EPSTI1: variants seen among roughly 807,000 people sequenced by gnomAD.
The protein encoded by EPSTI1 is epithelial stromal interaction 1.
A neutral mutation model predicts 49.9 loss-of-function variants in EPSTI1; 66 were observed. That is an observed-to-expected ratio of 1.32 (90% CI 1.08 to 1.62). The LOEUF is 1.62. EPSTI1 is among the 40% of genes most tolerant of loss of function. The pLI is 0.00. For synonymous variants in EPSTI1, 137 were observed against 130.7 expected (o/e 1.05, Z -0.33); for missense variants, 394 against 365.5 (o/e 1.08, Z -0.64).
rs1324976518 is a variant in EPSTI1 at position 42,922,411 on chromosome 13, G to A, written c.657+3925C>T. 6.6e-6 allele frequency among the ~76,000 whole-genome samples: 1 copy of A among 152,146 alleles called. No homozygotes were observed. The highest frequency in any genetic ancestry group is 1.5e-5 in the Non-Finnish European group (1 of 68,022). On this transcript the variant is annotated intron_variant, in intron 7 of 10. Coordinates refer to ENST00000313624, the MANE Select transcript of EPSTI1 (RefSeq NM_033255.5). The surrounding 1 kb of genome is among the most constrained non-coding windows in gnomAD (Gnocchi z 4.8). ...TATAAGAGGAAGGCAGAAAGGTCAG[G>A]GAGGGTGCAGAAGGTTGGGTGAGAT...
intron 8 of EPSTI1, among the ~76,000 whole-genome samples, chr13:42,913,392 G>A (rs1263445574): frequency 6.6e-6 from 1 of 152,110 alleles, no homozygotes; most frequent in Non-Finnish European, 1.5e-5. Flanking sequence ...AAAACTGGTA[G>A]AGGAATTACT....
intron 1 of EPSTI1, among the ~76,000 whole-genome samples, chr13:42,990,463 T>C (rs941381558): frequency 1.3e-5 from 2 of 152,232 alleles, no homozygotes; most frequent in Admixed American, 6.5e-5. Context: ...TAAATGCTTT[T>C]TAACAGAAAA....
chr13:42,901,651 A>G (rs574607578), intron 8 of EPSTI1, among the ~76,000 whole-genome samples: 11 of 152,300 alleles, frequency 7.2e-5, no homozygotes, highest in Non-Finnish European at 1.0e-4. Flanking sequence ...AAGTATACCA[A>G]TGTGAAAGAA....
At chr13:42,937,315 A>C (rs1262500517) in intron 6 of EPSTI1, among the ~76,000 whole-genome samples, 3 of 152,322 alleles carry the variant, frequency 2.0e-5, no homozygotes, top group Non-Finnish European at 1.5e-5. Flanking sequence ...TCAGGGTGGT[A>C]GTTGCTAAAG....
intron 8 of EPSTI1, among the ~76,000 whole-genome samples, chr13:42,908,716 G>A (rs965141516): frequency 6.6e-6 from 1 of 151,894 alleles, no homozygotes; most frequent in African/African-American, 2.4e-5. Context: ...CATCTAATAG[G>A]GGGTCAGTAT....
rs927239351 is a variant in EPSTI1 at position 42,887,951 on chromosome 13, A to ATAAC, written c.*539_*542dup. On this transcript the variant is annotated 3_prime_UTR_variant, in exon 11 of 11. Transcript: ENST00000313624. ...AGACCCTTCAAGAGAGAAAACCCCA[A>ATAAC]TAACTTTTCATTAAAAATAAAAATG... 42 of 205,698 alleles carry ATAAC rather than the reference A, an allele frequency of 2.0e-4. No individual in the cohort carries two copies. The highest frequency in any genetic ancestry group is 7.7e-4 in the African/African-American group (33 of 42,924). 12.7% of individuals were successfully genotyped at this position (205,698 alleles called of 1,614,324 possible).
chr13:42,938,059 G>C (rs9533309), intron 6 of EPSTI1, among the ~76,000 whole-genome samples: 75,563 of 151,818 alleles, frequency 0.5, 18,882 homozygotes, highest in East Asian at 0.54. Context: ...GCATCTCAAA[G>C]TTAGCATGTT....
intron 9 of EPSTI1, among the ~76,000 whole-genome samples, chr13:42,897,518 A>G (rs1170969910): frequency 6.6e-6 from 1 of 152,200 alleles, no homozygotes; most frequent in Non-Finnish European, 1.5e-5. Context: ...GAATGAAACA[A>G]ATCTTCCTGG....
At chr13:42,928,016 T>C (rs1316931019) in intron 6 of EPSTI1, among the ~76,000 whole-genome samples, 1 of 152,240 alleles carries the variant, frequency 6.6e-6, no homozygotes, top group Non-Finnish European at 1.5e-5. Flanking sequence ...TTCAGTTTAC[T>C]GACTGCCGCT....
At chr13:42,989,567 C>CTTTTCTTTTTTTTTTTT (rs1555271094) in intron 1 of EPSTI1, among the ~76,000 whole-genome samples, 1 of 79,022 alleles carries the variant, frequency 1.3e-5, no homozygotes, top group African/African-American at 4.4e-5. Context: ...CCTCTTTTTT[C>CTTTTCTTTTTTTTTTTT]TTTTTTTTTT....
intron 10 of EPSTI1, chr13:42,889,153 G>T: frequency 7.4e-7 from 1 of 1,345,734 alleles, no homozygotes; most frequent in Non-Finnish European, 1.0e-6. Flanking sequence ...ATCCCAAAGA[G>T]CCTCACCTAT....
intron 10 of EPSTI1, chr13:42,889,147 C>CA: frequency 7.6e-7 from 1 of 1,316,434 alleles, no homozygotes; most frequent in Non-Finnish European, 1.1e-6. Flanking sequence ...CACAGCATCC[C>CA]AAAGAGCCTC....
At position 42,970,592 on chromosome 13, in the gene EPSTI1, AAATG is replaced by A. The variant is rs1301092617; in HGVS notation, c.247+16_247+19del. 3 of 1,579,154 alleles carry A rather than the reference AAATG, an allele frequency of 1.9e-6. No homozygotes were observed. The highest frequency in any genetic ancestry group is 2.6e-6 in the Non-Finnish European group (3 of 1,162,630). ...AAAAGAGAGAAGCATTCTGAATGTT[AAATG>A]AATGACTATACATACTTCTTTGTAT... is the stretch of plus-strand genomic sequence containing the variant. On this transcript the variant is annotated intron_variant, in intron 2 of 10. Transcript: ENST00000313624.
intron 6 of EPSTI1, among the ~76,000 whole-genome samples, chr13:42,944,478 A>G (rs2038859778): frequency 6.6e-6 from 1 of 151,992 alleles, no homozygotes; most frequent in Non-Finnish European, 1.5e-5. Flanking sequence ...ACGAGAACAC[A>G]TGGACACAGG....
chr13:42,965,282 T>A (rs2039573129), intron 3 of EPSTI1, among the ~76,000 whole-genome samples: 1 of 152,162 alleles, frequency 6.6e-6, no homozygotes, highest in Admixed American at 6.5e-5. Flanking sequence ...TCAAAACTCA[T>A]CTCAAAGTTT....
intron 5 of EPSTI1, among the ~76,000 whole-genome samples, chr13:42,960,241 T>C (rs1305959498): frequency 1.3e-5 from 2 of 152,060 alleles, no homozygotes; most frequent in African/African-American, 4.8e-5. Flanking sequence ...TAAAATGGAG[T>C]TAGAAGATTT....
At chr13:42,894,860 T>A in intron 10 of EPSTI1, 149 bp downstream of exon 10, 1 of 615,530 alleles carries the variant, frequency 1.6e-6, no homozygotes, top group Non-Finnish European at 2.8e-6. Context: ...TTTACAGTAA[T>A]CCCCCTGGCT....
chr13:42,992,042 C>G lies in EPSTI1; in HGVS notation c.124G>C (p.Glu42Gln). Reference sequence around the variant, plus strand: ...CCCTTAGGGGCTGCCTCCAAACCCTCTCTCTGGTCTTCCACGGGGCTCAGC... The same window carrying G: ...CCCTTAGGGGCTGCCTCCAAACCCTGTCTCTGGTCTTCCACGGGGCTCAGC... ...GELSPVEDQR[E>Q]GLEAAPKGPS... is the part of the protein sequence containing the mutation. The change falls in exon 1 of 11, where the codon GAG (glutamate) becomes CAG (glutamine). Residue 42 changes from glutamate to glutamine, a missense_variant. Physicochemically the swap from Glu to Gln is conservative, Grantham distance 29. Coordinates refer to ENST00000313624, the MANE Select transcript of EPSTI1 (RefSeq NM_033255.5). 1 of 1,613,516 alleles carries G rather than the reference C, an allele frequency of 6.2e-7. No homozygotes were observed. The highest frequency in any genetic ancestry group is 8.5e-7 in the Non-Finnish European group (1 of 1,180,036).
rs957037611 is a variant in EPSTI1 at position 42,888,065 on chromosome 13, TAAAG to T, written c.*425_*428del. On this transcript the variant is annotated 3_prime_UTR_variant, in exon 11 of 11. Transcript: ENST00000313624. ...TTTTCTTTTGTACATATTTGTACCA[TAAAG>T]AAAGTAGGGATTAAAATCTAAAAAG... 3 of 563,456 alleles carry T rather than the reference TAAAG, an allele frequency of 5.3e-6. No individual in the cohort carries two copies. Among genetic ancestry groups the T allele is most frequent in the African/African-American group, 3.8e-5 (2 of 52,558 alleles). 34.9% of individuals were successfully genotyped at this position (563,456 alleles called of 1,614,324 possible).
Sources: allele counts gnomAD v4.1 joint callset (sites outside exome capture counted in the v4.1 genomes callset), GRCh38; gene constraint gnomAD v4.1.1; non-coding constraint Gnocchi (gnomAD v3.1); transcripts MANE v1.5; gene names NCBI Gene and HGNC (gene_info 2026-07-23, HGNC 2026-07-21).